The following ASS1 variants were observed in gnomAD, a reference collection of about 807,000 sequenced individuals.
ASS1 encodes the protein argininosuccinate synthase.
In ASS1, 58 loss-of-function variants were observed where a neutral mutation model predicts 60.5. That is an observed-to-expected ratio of 0.96 (90% CI 0.78 to 1.19). The LOEUF (loss-of-function observed/expected upper bound fraction) is 1.19. ASS1 is among the 50% of genes most tolerant of loss of function. The pLI, the probability that ASS1 is intolerant of heterozygous loss-of-function variation, is 0.00. For missense variants in ASS1, 454 were observed against 547.3 expected, an observed-to-expected ratio of 0.83 and a Z score of 1.70; for synonymous variants, 200 against 206.9, an observed-to-expected ratio of 0.97 and a Z score of 0.29.
In ASS1 at chr9:130,464,116, C is replaced by T. The variant is rs761616623; in HGVS notation, c.369C>T (p.Asn123=). 11 of 1,614,058 alleles carry T rather than the reference C, an allele frequency of 6.8e-6. No individual in the cohort carries two copies. The highest frequency in any genetic ancestry group is 2.2e-5 in the East Asian group (1 of 44,868). ...CCCTCTGTTCTGCATTGCAGGGGAA[C>T]GATCAGGTCCGGTTTGAGCTCAGCT... ...YVSHGATGKG[N]DQVRFELSCY... The change falls in exon 5 of 15, where the codon AAC becomes AAT. Residue 123 remains asparagine (N), a synonymous_variant. Coordinates refer to ENST00000352480, the MANE Select transcript of ASS1 (RefSeq NM_054012.4).
rs1370292816 is a variant in ASS1 at position 130,489,648 on chromosome 9, G to A, written c.970+184G>A. Among the ~76,000 whole-genome samples, 1 of 152,228 alleles carries A rather than the reference G, an allele frequency of 6.6e-6. No homozygotes were observed. Among genetic ancestry groups the A allele is most frequent in the Non-Finnish European group, 1.5e-5 (1 of 68,034 alleles). On this transcript the variant is annotated intron_variant, in intron 12 of 14. Coordinates refer to ENST00000352480, the MANE Select transcript of ASS1 (RefSeq NM_054012.4). The surrounding 1 kb of genome is among the most constrained non-coding windows in gnomAD (Gnocchi z 4.1). ...GGGGTTGAGGGAAAGTGCAGGGCAT[G>A]AGGGAGCAAGGGGATGCTAGAACCT...
Position 130,489,203 on chromosome 9 carries a change from C to T in ASS1, c.839-130C>T. The T allele has an allele frequency of 7.6e-7, 1 of 1,313,214 alleles. No homozygotes were observed. Among genetic ancestry groups the T allele is most frequent in the South Asian group, 1.3e-5 (1 of 77,898 alleles). The allele number at this position is 1,313,214 out of a possible 1,614,324, so 81.3% of individuals were successfully genotyped here. On this transcript the variant is annotated intron_variant, in intron 11 of 14. Coordinates refer to ENST00000352480, the MANE Select transcript of ASS1 (RefSeq NM_054012.4). The surrounding 1 kb of genome is among the most constrained non-coding windows in gnomAD (Gnocchi z 4.1). Reference sequence around the variant, plus strand: ...TGCAGCAAGCTGGGAGTGAATGGGTCCGGCCGGCTTGTCTCCTGTCAGACG... The same window carrying T: ...TGCAGCAAGCTGGGAGTGAATGGGTTCGGCCGGCTTGTCTCCTGTCAGACG...
chr9:130,471,724 G>T (rs560359118), intron 8 of ASS1, among the ~76,000 whole-genome samples: 1 of 149,780 alleles, frequency 6.7e-6, no homozygotes, highest in East Asian at 1.9e-4. Context: ...ACCTCCCCCC[G>T]CCCTTCCTCT....
chr9:130,486,875 T>C (rs1345353302), intron 11 of ASS1, among the ~76,000 whole-genome samples: 1 of 152,214 alleles, frequency 6.6e-6, no homozygotes, highest in Admixed American at 6.5e-5. Context: ...AACCAAGCTT[T>C]TCCTCCACAG....
intron 8 of ASS1, among the ~76,000 whole-genome samples, chr9:130,474,580 T>G (rs1845969985): frequency 6.6e-6 from 1 of 152,166 alleles, no homozygotes; most frequent in Non-Finnish European, 1.5e-5. Flanking sequence ...TGGAGTTGTG[T>G]GGTCACCCCA....
At chr9:130,496,191 C>A (rs1389796212) in intron 13 of ASS1, among the ~76,000 whole-genome samples, 1 of 152,042 alleles carries the variant, frequency 6.6e-6, no homozygotes, top group Non-Finnish European at 1.5e-5. Context: ...GAGGCCAAGG[C>A]AGGAGGATCG....
rs1004632419 is a variant in ASS1, at chr9:130,470,969, G to A, written c.566+65G>A. 14 of 1,555,616 alleles carry A rather than the reference G, an allele frequency of 9.0e-6. No homozygotes were observed. Among genetic ancestry groups the A allele is most frequent in the African/African-American group, 1.4e-5 (1 of 73,638 alleles). Reference sequence around the variant, plus strand: ...TCATTCCAAAGGACGGCCACGCGCTGCCCCAGGACGTCCTGGTGACCCCCA... The same window carrying A: ...TCATTCCAAAGGACGGCCACGCGCTACCCCAGGACGTCCTGGTGACCCCCA... On this transcript the variant is annotated intron_variant, in intron 7 of 14. Coordinates refer to ENST00000352480, the MANE Select transcript of ASS1 (RefSeq NM_054012.4). The surrounding 1 kb of genome is among the most constrained non-coding windows in gnomAD (Gnocchi z 4.3).
chr9:130,484,679 C>T (rs967939953), intron 11 of ASS1, among the ~76,000 whole-genome samples: 2 of 152,030 alleles, frequency 1.3e-5, no homozygotes, highest in African/African-American at 2.4e-5. Flanking sequence ...CTGTCAAAAG[C>T]CCCAAATTCA....
At chr9:130,449,325 A>C (rs1034665071) in intron 1 of ASS1, among the ~76,000 whole-genome samples, 2 of 143,826 alleles carry the variant, frequency 1.4e-5, no homozygotes, top group Admixed American at 7.3e-5. Flanking sequence ...CCTAGGTGAC[A>C]GAATGAGACC....
intron 5 of ASS1, among the ~76,000 whole-genome samples, chr9:130,466,078 C>T (rs1177008722): frequency 2.6e-5 from 4 of 152,314 alleles, no homozygotes; most frequent in Admixed American, 6.5e-5. Context: ...GTCAGCTCCA[C>T]GGCCCAGCAG....
In ASS1 at chr9:130,489,266, T is replaced by C. The variant is rs1846388110; in HGVS notation, c.839-67T>C. 3 of 1,592,108 alleles carry C rather than the reference T, an allele frequency of 1.9e-6. No homozygotes were observed. Among genetic ancestry groups the C allele is most frequent in the Admixed American group, 3.4e-5 (2 of 59,590 alleles). ...TATTATTTTTTTTTTTGTCATTTGC[T>C]GACAGTTTGGGTTTCATGCGTTTCT... On this transcript the variant is annotated intron_variant, in intron 11 of 14. Transcript: ENST00000352480. The surrounding 1 kb of genome is among the most constrained non-coding windows in gnomAD (Gnocchi z 4.1).
At chr9:130,454,886 TCCATCACCCATCCACTCATCCAC>T (rs1845406595) in intron 3 of ASS1, among the ~76,000 whole-genome samples, 2 of 147,760 alleles carry the variant, frequency 1.4e-5, no homozygotes, top group South Asian at 4.6e-4. Context: ...CACCCATCCA[TCCATCACCCATCCACTCATCCAC>T]CCATCCATTA....
Position 130,477,043 on chromosome 9 carries a change from G to A in ASS1, c.688+82G>A. ...TTCCCCTCCCTGCCTGGGAACCTAG[G>A]CCCTCTTTACCCCCGCCCTGCATTC... On this transcript the variant is annotated intron_variant, in intron 9 of 14. Coordinates refer to ENST00000352480, the MANE Select transcript of ASS1 (RefSeq NM_054012.4). This position sits in a 1 kb window ranked among gnomAD's most constrained non-coding sequence, Gnocchi z 4.2. 2 of 1,447,042 alleles carry A rather than the reference G, an allele frequency of 1.4e-6. No homozygotes were observed. Among genetic ancestry groups the A allele is most frequent in the Non-Finnish European group, 1.9e-6 (2 of 1,032,860 alleles). The allele number at this position is 1,447,042 out of a possible 1,614,324, so 89.6% of individuals were successfully genotyped here. A position where few individuals can be genotyped will look rare whatever the true frequency, so the allele number is the denominator to read the frequency against.
intron 12 of ASS1, among the ~76,000 whole-genome samples, chr9:130,493,934 T>C (rs1846518338): frequency 6.6e-6 from 1 of 152,290 alleles, no homozygotes; most frequent in Admixed American, 6.5e-5. Flanking sequence ...AGGGATGTTC[T>C]GGCCATAGAG....
At chr9:130,449,789 G>A (rs1410331572) in intron 1 of ASS1, among the ~76,000 whole-genome samples, 1 of 152,148 alleles carries the variant, frequency 6.6e-6, no homozygotes, top group Non-Finnish European at 1.5e-5. Flanking sequence ...CTTGATTGTG[G>A]TGTTGATGTC....
At chr9:130,455,321 C>T (rs542502528) in intron 3 of ASS1, among the ~76,000 whole-genome samples, 1 of 152,060 alleles carries the variant, frequency 6.6e-6, no homozygotes, top group Non-Finnish European at 1.5e-5. Context: ...TCCATCCATC[C>T]ACATATCCAT....
At chr9:130,480,897 C>T (rs1044428459) in intron 11 of ASS1, among the ~76,000 whole-genome samples, 11 of 152,208 alleles carry the variant, frequency 7.2e-5, no homozygotes, top group Admixed American at 2.0e-4. Context: ...CACTGGGAGC[C>T]GGCCAGGGCC....
intron 12 of ASS1, among the ~76,000 whole-genome samples, chr9:130,492,834 G>C (rs1042804757): frequency 6.6e-6 from 1 of 152,154 alleles, no homozygotes; most frequent in African/African-American, 2.4e-5. Flanking sequence ...CTGCAGGTCT[G>C]GGGGGTGCAG....
rs961951278 is a variant in ASS1, at chr9:130,476,300, G to A, written c.598-571G>A. The A allele has an allele frequency of 6.3e-6, 1 of 157,838 alleles. No homozygotes were observed. Among genetic ancestry groups the A allele is most frequent in the Non-Finnish European group, 1.4e-5 (1 of 71,416 alleles). 9.8% of individuals were successfully genotyped at this position (157,838 alleles called of 1,614,324 possible). The stretch of plus-strand genomic sequence containing the variant: ...CCTCCACCACTGCATCAGACGAGAG[G>A]CCCATTTTCCAACACGCCCAAGAAA... On this transcript the variant is annotated intron_variant, in intron 8 of 14. Coordinates refer to ENST00000352480, the MANE Select transcript of ASS1 (RefSeq NM_054012.4). The surrounding 1 kb of genome is among the most constrained non-coding windows in gnomAD (Gnocchi z 4.9).
Sources: gnomAD v4.1 joint callset for allele counts (sites outside exome capture counted in the v4.1 genomes callset) on GRCh38, gnomAD v4.1.1 for gene constraint, Gnocchi (gnomAD v3.1) non-coding constraint, MANE v1.5 for transcripts, NCBI Gene and HGNC (gene_info 2026-07-23, HGNC 2026-07-21) for gene names.